Variants in ZFAT observed in about 807,000 individuals in gnomAD.
ZFAT encodes the protein zinc finger and AT-hook domain containing.
Under a neutral mutation model 117.7 loss-of-function variants are expected in ZFAT, and 64 were observed. The observed-to-expected ratio is 0.54, with a 90% CI of 0.44 to 0.67. The LOEUF (loss-of-function observed/expected upper bound fraction) is 0.67. ZFAT is among the 30% of genes least tolerant of loss of function. The pLI, the probability that ZFAT is intolerant of heterozygous loss-of-function variation, is 0.00. For missense variants in ZFAT, 1,433 were observed against 1,584.5 expected, an observed-to-expected ratio of 0.90 and a Z score of 1.62; for synonymous variants, 679 against 615.0, an observed-to-expected ratio of 1.10 and a Z score of -1.54.
In ZFAT at chr8:134,478,251, A is replaced by G. The variant is rs1817016615; in HGVS notation, c.*231T>C. ...GAAGTCTTTCAGGAAGCAGATGGTA[A>G]GGGTCAGGGGGTGTGTGTCTATGCT... On this transcript the variant is annotated 3_prime_UTR_variant, in exon 16 of 16. Transcript: ENST00000377838. The surrounding 1 kb of genome is among the most constrained non-coding windows in gnomAD (Gnocchi z 5.2). The G allele has an allele frequency of 5.2e-6, 3 of 575,294 alleles. No individual in the cohort carries two copies. Among genetic ancestry groups the G allele is most frequent in the African/African-American group, 3.7e-5 (2 of 53,638 alleles). The allele number at this position is 575,294 out of a possible 1,614,324, so 35.6% of individuals were successfully genotyped here.
intron 1 of ZFAT, among the ~76,000 whole-genome samples, chr8:134,690,555 T>C (rs1833539795): frequency 1.3e-5 from 2 of 152,240 alleles, no homozygotes; most frequent in African/African-American, 4.8e-5. Context: ...TAAAATGTTC[T>C]GATTTTCAAA....
chr8:134,809,245 G>A, the ZFAT span, among the ~76,000 whole-genome samples: 1 of 152,266 alleles, frequency 6.6e-6, no homozygotes, highest in East Asian at 1.9e-4. Flanking sequence ...GTAATTCTCA[G>A]ACCCCCACCA....
At chr8:134,710,956 G>C (rs1813969365) in intron 1 of ZFAT, among the ~76,000 whole-genome samples, 1 of 152,114 alleles carries the variant, frequency 6.6e-6, no homozygotes, top group African/African-American at 2.4e-5. Context: ...CATTAATACA[G>C]TGAAAAACAA....
chr8:134,619,109 A>C (rs2131011096), intron 3 of ZFAT, among the ~76,000 whole-genome samples: 1 of 152,310 alleles, frequency 6.6e-6, no homozygotes, highest in Non-Finnish European at 1.5e-5. Flanking sequence ...TAAGTCAAAA[A>C]TATCATTGTC....
At chr8:134,630,092 C>A (rs888130497) in intron 3 of ZFAT, among the ~76,000 whole-genome samples, 1 of 152,158 alleles carries the variant, frequency 6.6e-6, no homozygotes, top group Non-Finnish European at 1.5e-5. Flanking sequence ...ACCAGGTCTC[C>A]CCTTAATCAG....
At chr8:134,601,405 C>A in intron 6 of ZFAT, 72 bp downstream of exon 6, 1 of 1,526,030 alleles carries the variant, frequency 6.6e-7, no homozygotes, top group Middle Eastern at 2.1e-4. Flanking sequence ...GACATGAGCT[C>A]AAATCAAATG....
chr8:134,478,850 C>G lies in ZFAT; in HGVS notation c.3493-129G>C. 1 of 1,358,414 alleles carries G rather than the reference C, an allele frequency of 7.4e-7. No individual in the cohort carries two copies. Among genetic ancestry groups the G allele is most frequent in the Non-Finnish European group, 9.9e-7 (1 of 1,011,316 alleles). 84.1% of individuals were successfully genotyped at this position (1,358,414 alleles called of 1,614,324 possible). On this transcript the variant is annotated intron_variant, in intron 15 of 15. Transcript: ENST00000377838. The surrounding 1 kb of genome is among the most constrained non-coding windows in gnomAD (Gnocchi z 5.2). ...AGCACGTCCATTCTCCACGGATCCT[C>G]TCTACCAGGCTGTGCTTGCTCTCAT...
At chr8:134,498,238 C>T (rs1454113605) in intron 15 of ZFAT, among the ~76,000 whole-genome samples, 1 of 126,690 alleles carries the variant, frequency 7.9e-6, no homozygotes, top group African/African-American at 3.0e-5. Context: ...GCTGGTTACA[C>T]ACAGAGCCTG....
chr8:134,619,855 G>A (rs1828992849), intron 3 of ZFAT, among the ~76,000 whole-genome samples: 1 of 152,186 alleles, frequency 6.6e-6, no homozygotes, highest in Non-Finnish European at 1.5e-5. Context: ...AGAGGTGACT[G>A]AGCCTGGACA....
At chr8:134,570,203 G>C (rs1269793998) in intron 10 of ZFAT, among the ~76,000 whole-genome samples, 1 of 152,138 alleles carries the variant, frequency 6.6e-6, no homozygotes, top group African/African-American at 2.4e-5. Context: ...TCAAGTCTCT[G>C]TTCAAATGTC....
chr8:134,662,725 A>G (rs1317917211), intron 1 of ZFAT, among the ~76,000 whole-genome samples: 1 of 152,250 alleles, frequency 6.6e-6, no homozygotes, highest in East Asian at 1.9e-4. Context: ...CAGCATCTAT[A>G]TTAAAATTAC....
intron 15 of ZFAT, among the ~76,000 whole-genome samples, chr8:134,494,466 G>A (rs920947375): frequency 5.3e-5 from 8 of 152,276 alleles, no homozygotes; most frequent in South Asian, 4.2e-4. Context: ...CTGGGGAAGC[G>A]CCTGGCTCCT....
intron 2 of ZFAT, among the ~76,000 whole-genome samples, chr8:134,642,236 C>T (rs145305295): frequency 6.6e-6 from 1 of 152,156 alleles, no homozygotes; most frequent in Non-Finnish European, 1.5e-5. Flanking sequence ...GAATCACATA[C>T]CCCTGAAGCA....
chr8:134,674,272 G>C (rs1012078147), intron 1 of ZFAT, among the ~76,000 whole-genome samples: 1 of 152,164 alleles, frequency 6.6e-6, no homozygotes, highest in African/African-American at 2.4e-5. Context: ...CTTCACAATC[G>C]GTAGACCAGG....
the ZFAT span, chr8:134,796,035 C>G: frequency 6.6e-6 from 1 of 152,222 alleles, no homozygotes; most frequent in African/African-American, 2.4e-5. Context: ...AACACATGAA[C>G]TGACTATTCC....
intron 5 of ZFAT, among the ~76,000 whole-genome samples, chr8:134,603,189 G>A (rs1827643501): frequency 6.6e-6 from 1 of 152,130 alleles, no homozygotes; most frequent in South Asian, 2.1e-4. Context: ...GTATTGATAG[G>A]AATATGCACA....
At chr8:134,644,853 T>C (rs1830788339) in intron 2 of ZFAT, among the ~76,000 whole-genome samples, 1 of 151,704 alleles carries the variant, frequency 6.6e-6, no homozygotes, top group Non-Finnish European at 1.5e-5. Flanking sequence ...TCACACACCA[T>C]CTATATACAC....
At chr8:134,506,657 T>C (rs552324425) in intron 15 of ZFAT, among the ~76,000 whole-genome samples, 5 of 152,364 alleles carry the variant, frequency 3.3e-5, no homozygotes, top group African/African-American at 1.2e-4. Flanking sequence ...TTGATGAATT[T>C]TGATATATAA....
At chr8:134,516,281 T>G (rs949070099) in intron 13 of ZFAT, among the ~76,000 whole-genome samples, 2 of 152,226 alleles carry the variant, frequency 1.3e-5, no homozygotes, top group Non-Finnish European at 2.9e-5. Context: ...TTCAGATTCC[T>G]TTTTGCAAAG....
Sources: gnomAD v4.1 joint callset for allele counts (sites outside exome capture counted in the v4.1 genomes callset) on GRCh38, gnomAD v4.1.1 for gene constraint, Gnocchi (gnomAD v3.1) non-coding constraint, MANE v1.5 for transcripts, NCBI Gene and HGNC (gene_info 2026-07-23, HGNC 2026-07-21) for gene names.